Variants in TMTC3 observed in about 807,000 individuals in gnomAD.
TMTC3 encodes the protein transmembrane O-mannosyltransferase targeting cadherins 3, also known as protein O-mannosyl-transferase TMTC3.
In TMTC3, 52 loss-of-function variants were observed where a neutral mutation model predicts 92.2. The observed-to-expected ratio is 0.56, with a 90% CI of 0.45 to 0.71. The LOEUF is 0.71. TMTC3 is among the 30% of genes least tolerant of loss of function. TMTC3 has a pLI of 0.00. For missense variants in TMTC3, 896 were observed against 1,057.1 expected (o/e 0.85, Z 2.11); for synonymous variants, 339 against 363.3 (o/e 0.93, Z 0.76).
In TMTC3 at chr12:88,190,552, G is replaced by A; in HGVS notation, c.1636G>A (p.Glu546Lys). The A allele has an allele frequency of 6.2e-7, 1 of 1,613,944 alleles. No homozygotes were observed. The highest frequency in any genetic ancestry group is 8.5e-7 in the Non-Finnish European group (1 of 1,179,944). Residue 546 changes from glutamate (E) to lysine (K), a missense_variant, in exon 12 of 14, where the codon GAA becomes AAA. Physicochemically the swap from Glu to Lys is moderately conservative, Grantham distance 56. Coordinates refer to ENST00000266712, the MANE Select transcript of TMTC3 (RefSeq NM_181783.4). The stretch of plus-strand genomic sequence containing the variant: ...GATCCGAGCAAATGAGTCCCGACTG[G>A]AAGAAGCAGATCAGCTGTACCGTCA... ...NLIRANESRL[E>K]EADQLYRQAI...
At chr12:88,161,077 A>G (rs1267973809) in intron 6 of TMTC3, among the ~76,000 whole-genome samples, 2 of 152,078 alleles carry the variant, frequency 1.3e-5, no homozygotes, top group African/African-American at 4.8e-5. Flanking sequence ...ACCCATCCCA[A>G]ACTGGTTAAG....
intron 1 of TMTC3, among the ~76,000 whole-genome samples, chr12:88,143,830 T>C (rs1046162201): frequency 2.0e-5 from 3 of 152,100 alleles, no homozygotes; most frequent in African/African-American, 7.2e-5. Context: ...AGACTAAGGA[T>C]TGTTATAGTT....
chr12:88,153,420 T>C lies in TMTC3; in HGVS notation c.319T>C (p.Phe107Leu). Residue 107 changes from phenylalanine (F) to leucine (L), a missense_variant, in exon 3 of 14, where the codon TTT (phenylalanine) becomes CTT (leucine). By Grantham distance (22) the Phe-to-Leu change is conservative (BLOSUM62 0). Coordinates refer to ENST00000266712, the MANE Select transcript of TMTC3 (RefSeq NM_181783.4). ...MIFHAVVSVI[F>L]LKVCKLFLDN... ...TTTTCATGCTGTGGTTAGTGTGATA[T>C]TTCTCAAAGTATGCAAACTTTTTCT... 4 of 1,613,668 alleles carry C rather than the reference T, an allele frequency of 2.5e-6. No individual in the cohort carries two copies. The highest frequency in any genetic ancestry group is 3.4e-6 in the Non-Finnish European group (4 of 1,179,734).
Position 88,160,243 on chromosome 12 carries a change from T to G in TMTC3, c.624+14T>G. The G allele has an allele frequency of 7.2e-7, 1 of 1,397,956 alleles. No homozygotes were observed. The highest frequency in any genetic ancestry group is 2.5e-5 in the East Asian group (1 of 40,114). The allele number at this position is 1,397,956 out of a possible 1,614,324, so 86.6% of individuals were successfully genotyped here. ...ATTGCCCAGGGGGTAAGCCAAACTA[T>G]AAATATATAAATTTTCTTATTGATA... On this transcript the variant is annotated intron_variant, in intron 5 of 13. Transcript: ENST00000266712.
intron 2 of TMTC3, among the ~76,000 whole-genome samples, chr12:88,152,461 A>G (rs1297261494): frequency 6.6e-6 from 1 of 152,220 alleles, no homozygotes; most frequent in Non-Finnish European, 1.5e-5. Flanking sequence ...ATATTTCAGC[A>G]TGAGATTTGG....
intron 2 of TMTC3, among the ~76,000 whole-genome samples, chr12:88,152,475 G>T (rs2040955166): frequency 6.6e-6 from 1 of 151,664 alleles, no homozygotes; most frequent in Non-Finnish European, 1.5e-5. Flanking sequence ...GATTTGGAGG[G>T]GACAAACATC....
chr12:88,150,181 G>T (rs994425369), intron 2 of TMTC3, among the ~76,000 whole-genome samples: 1 of 152,172 alleles, frequency 6.6e-6, no homozygotes, highest in Non-Finnish European at 1.5e-5. Flanking sequence ...CAAGAAGCTT[G>T]CAGTCATGGC....
In TMTC3 at chr12:88,172,612, GC is replaced by G; in HGVS notation, c.1067del (p.Ala356AspfsTer34). 1 of 1,461,442 alleles carries G rather than the reference GC, an allele frequency of 6.8e-7. No individual in the cohort carries two copies. The highest frequency in any genetic ancestry group is 9.0e-7 in the Non-Finnish European group (1 of 1,105,334). The allele number at this position is 1,461,442 out of a possible 1,614,324, so 90.5% of individuals were successfully genotyped here. A position where few individuals can be genotyped will look rare whatever the true frequency, so the allele number is the denominator to read the frequency against. On this transcript the variant is annotated frameshift_variant, in exon 8 of 14. Coordinates refer to ENST00000266712, the MANE Select transcript of TMTC3 (RefSeq NM_181783.4). LOFTEE classifies it high-confidence loss of function. ...KTVLMALCLMALPFIPASNLF... is the reference protein window; with the variant it reads ...KTVLMALCLMXLPFIPASNLF... ...TTTTTTGTAGGCGCTTTGTTTAATG[GC>G]ATTACCATTTATTCCTGCATCGAAC...
intron 10 of TMTC3, among the ~76,000 whole-genome samples, chr12:88,184,166 C>T (rs1296913562): frequency 6.6e-6 from 1 of 152,004 alleles, no homozygotes; most frequent in African/African-American, 2.4e-5. Flanking sequence ...GCAGCAGCCA[C>T]CAAGAGAGTG....
chr12:88,177,421 A>G (rs904608966), intron 10 of TMTC3, among the ~76,000 whole-genome samples: 3 of 152,160 alleles, frequency 2.0e-5, no homozygotes, highest in African/African-American at 7.2e-5. Flanking sequence ...ATAGGATTAA[A>G]GTTTTTTCAG....
intron 6 of TMTC3, among the ~76,000 whole-genome samples, chr12:88,165,884 T>C (rs551142738): frequency 6.6e-6 from 1 of 152,276 alleles, no homozygotes; most frequent in Admixed American, 6.5e-5. Context: ...AAGCATAATT[T>C]TTAATTAGCA....
chr12:88,188,558 T>G (rs2041404199), intron 10 of TMTC3, among the ~76,000 whole-genome samples: 1 of 152,236 alleles, frequency 6.6e-6, no homozygotes, highest in African/African-American at 2.4e-5. Context: ...TCAAATAGTT[T>G]TTTCATGCCA....
chr12:88,146,507 C>G (rs1045953914), intron 1 of TMTC3, among the ~76,000 whole-genome samples: 9 of 151,632 alleles, frequency 5.9e-5, no homozygotes, highest in African/African-American at 2.2e-4. Flanking sequence ...AGCCATCCAG[C>G]CCTAATCAAG....
chr12:88,167,411 CAAAAAT>C (rs1394271996), intron 7 of TMTC3, among the ~76,000 whole-genome samples: 1 of 151,992 alleles, frequency 6.6e-6, no homozygotes, highest in Non-Finnish European at 1.5e-5. Context: ...CTCAAAAAAA[CAAAAAT>C]AAAAATAAAA....
intron 4 of TMTC3, among the ~76,000 whole-genome samples, chr12:88,156,355 C>T (rs1168964351): frequency 1.3e-5 from 2 of 152,156 alleles, no homozygotes; most frequent in Non-Finnish European, 2.9e-5. Context: ...GAATTATAAA[C>T]CAGGATATAA....
Position 88,197,899 on chromosome 12 carries a change from T to G in TMTC3, c.*2250T>G, listed in dbSNP as rs1363283195. On this transcript the variant is annotated 3_prime_UTR_variant, in exon 14 of 14. Coordinates refer to ENST00000266712, the MANE Select transcript of TMTC3 (RefSeq NM_181783.4). ...TCTGGAAGATGGAGCCATGCTTGTT[T>G]TTCCAAAAGCTCTTTGAGTGATTCT... 6.5e-6 allele frequency: 1 copy of G among 153,736 alleles called. No individual in the cohort carries two copies. Among genetic ancestry groups the G allele is most frequent in the African/African-American group, 2.4e-5 (1 of 41,508 alleles). 9.5% of individuals were successfully genotyped at this position (153,736 alleles called of 1,614,324 possible). A position where few individuals can be genotyped will look rare whatever the true frequency, so the allele number is the denominator to read the frequency against.
chr12:88,170,321 G>A (rs1437932305), intron 7 of TMTC3, among the ~76,000 whole-genome samples: 1 of 152,036 alleles, frequency 6.6e-6, no homozygotes, highest in Non-Finnish European at 1.5e-5. Context: ...CCTTGGGGCG[G>A]CCATGAATTA....
At chr12:88,184,963 G>A (rs2041359925) in intron 10 of TMTC3, among the ~76,000 whole-genome samples, 1 of 152,176 alleles carries the variant, frequency 6.6e-6, no homozygotes, top group South Asian at 2.1e-4. Context: ...GTAATTTTAA[G>A]TATCACTGGC....
rs2041516911 is a variant in TMTC3 at position 88,196,684 on chromosome 12, G to C, written c.*1035G>C. ...ACTAACTTCTTGATATTTTGTTATG[G>C]TATATCTTTTTATTAAATATTTATT... On this transcript the variant is annotated 3_prime_UTR_variant, in exon 14 of 14. Transcript: ENST00000266712. 1 of 151,786 alleles carries C rather than the reference G, an allele frequency of 6.6e-6. No homozygotes were observed. Among genetic ancestry groups the C allele is most frequent in the African/African-American group, 2.4e-5 (1 of 41,474 alleles). 9.4% of individuals were successfully genotyped at this position (151,786 alleles called of 1,614,324 possible). A position where few individuals can be genotyped will look rare whatever the true frequency, so the allele number is the denominator to read the frequency against.
Sources: allele counts gnomAD v4.1 joint callset (sites outside exome capture counted in the v4.1 genomes callset), GRCh38; gene constraint gnomAD v4.1.1; transcripts MANE v1.5; gene names NCBI Gene and HGNC (gene_info 2026-07-23, HGNC 2026-07-21).